The following SLC38A11 variants were observed in gnomAD, a reference collection of about 807,000 sequenced individuals.
SLC38A11 encodes the protein solute carrier family 38 member 11.
A neutral mutation model predicts 49.4 loss-of-function variants in SLC38A11; 51 were observed. The ratio of observed to expected loss-of-function variants is 1.03; its 90% CI spans 0.83 to 1.30. SLC38A11 has a LOEUF of 1.30. SLC38A11 is among the 50% of genes most tolerant of loss of function. The probability of loss-of-function intolerance (pLI) is 0.00; values close to 1 mark genes in which losing one functional copy is unlikely to be tolerated. For missense variants in SLC38A11, 574 were observed against 556.2 expected, an observed-to-expected ratio of 1.03 and a Z score of -0.32; for synonymous variants, 203 against 192.9, an observed-to-expected ratio of 1.05 and a Z score of -0.43.
chr2:164,907,271 T>C (rs1180643933), intron 11 of SLC38A11, among the ~76,000 whole-genome samples: 1 of 13,608 alleles, frequency 7.3e-5, no homozygotes, highest in Non-Finnish European at 1.5e-4. Context: ...TTCTTTTCTC[T>C]TTTTTTTTTT....
At chr2:164,909,528 G>A (rs2105453915) in intron 10 of SLC38A11, among the ~76,000 whole-genome samples, 1 of 150,950 alleles carries the variant, frequency 6.6e-6, no homozygotes, top group South Asian at 2.1e-4. Context: ...AGGAGCTTTA[G>A]GTATCTAGAG....
intron 7 of SLC38A11, among the ~76,000 whole-genome samples, chr2:164,928,041 T>G (rs1267103157): frequency 6.6e-6 from 1 of 152,200 alleles, no homozygotes; most frequent in African/African-American, 2.4e-5. Context: ...GTACTTAATA[T>G]TGAGGAGCCT....
chr2:164,914,646 G>C (rs1685642009), intron 9 of SLC38A11, among the ~76,000 whole-genome samples: 1 of 150,580 alleles, frequency 6.6e-6, no homozygotes, highest in South Asian at 2.1e-4. Context: ...AGAGGGTAAA[G>C]AAAAAGAAAA....
intron 5 of SLC38A11, among the ~76,000 whole-genome samples, chr2:164,941,495 A>G (rs1481407519): frequency 6.6e-6 from 1 of 152,094 alleles, no homozygotes; most frequent in Non-Finnish European, 1.5e-5. Flanking sequence ...AAACTGTCAC[A>G]CCCCAAAATG....
intron 9 of SLC38A11, among the ~76,000 whole-genome samples, chr2:164,914,226 G>A (rs1361497955): frequency 1.3e-5 from 2 of 151,970 alleles, no homozygotes; most frequent in Non-Finnish European, 2.9e-5. Context: ...GTTGTCTGAA[G>A]GTCAATGAGA....
At position 164,943,150 on chromosome 2, in the gene SLC38A11, GAA is replaced by G. The variant is rs138144787; in HGVS notation, c.430+1417_430+1418del. Among the ~76,000 whole-genome samples, 394 of 152,318 alleles carry G rather than the reference GAA, an allele frequency of 2.6e-3. 1 individual carries two copies. Among genetic ancestry groups the G allele is most frequent in the Middle Eastern group, 0.02 (6 of 294 alleles). ...TAGCAACCATAGAGAGTTTCACAAT[GAA>G]ATGGGGATTATGTAGCTTGGATGAG... is the stretch of plus-strand genomic sequence containing the variant. On this transcript the variant is annotated intron_variant, in intron 5 of 11. Coordinates refer to ENST00000685975, the MANE Select transcript of SLC38A11 (RefSeq NM_001351537.2).
rs796863489 is a variant in SLC38A11 at position 164,931,285 on chromosome 2, GA to G, written c.617+6064del. ...AAATCAGAGATGACACAAACAAATG[GA>G]AAAAAAAAATTCCACACTTATGGAT... On this transcript the variant is annotated intron_variant, in intron 7 of 11. Coordinates refer to ENST00000685975, the MANE Select transcript of SLC38A11 (RefSeq NM_001351537.2). 6.2e-3 allele frequency among the ~76,000 whole-genome samples: 840 copies of G among 135,850 alleles called. 3 individuals carry two copies. The highest frequency in any genetic ancestry group is 0.02 in the African/African-American group (729 of 36,482). The allele number at this position is 135,850 out of a possible 152,430, so 89.1% of individuals were successfully genotyped here.
At chr2:164,920,003 G>A (rs936019355) in intron 7 of SLC38A11, among the ~76,000 whole-genome samples, 8 of 152,044 alleles carry the variant, frequency 5.3e-5, no homozygotes, top group East Asian at 1.9e-4. Context: ...TAGACCAGGC[G>A]TGGTGCTCAC....
At chr2:164,907,986 A>G (rs1281102938) in intron 11 of SLC38A11, 1 of 152,190 alleles carries the variant, frequency 6.6e-6, no homozygotes, top group Non-Finnish European at 1.5e-5. Flanking sequence ...AACTGAAAGC[A>G]GAACTTAAAT....
At chr2:164,918,704 T>C (rs529679288) in intron 7 of SLC38A11, among the ~76,000 whole-genome samples, 148 of 152,288 alleles carry the variant, frequency 9.7e-4, no homozygotes, top group African/African-American at 3.4e-3. Context: ...ATTACACATA[T>C]GGAAAATTTA....
At chr2:164,918,756 C>A (rs1685974863) in intron 7 of SLC38A11, among the ~76,000 whole-genome samples, 1 of 152,076 alleles carries the variant, frequency 6.6e-6, no homozygotes, top group South Asian at 2.1e-4. Context: ...TTACTGGATA[C>A]AAGTTCAATA....
chr2:164,944,629 T>A lies in SLC38A11; in HGVS notation c.370A>T (p.Ile124Leu), dbSNP rs1687987699. 3 of 1,274,458 alleles carry A rather than the reference T, an allele frequency of 2.4e-6. No homozygotes were observed. The highest frequency in any genetic ancestry group is 6.6e-5 in the Admixed American group (2 of 30,330). 78.9% of individuals were successfully genotyped at this position (1,274,458 alleles called of 1,614,324 possible). The change falls in exon 5 of 12, where the codon ATA becomes TTA. Residue 124 changes from isoleucine (I) to leucine (L), a missense_variant. Ile to Leu is a conservative substitution (Grantham distance 5). Transcript: ENST00000685975. ...TCTCCAGCTATTATATTGTAACTTA[T>A]CATTGCTAAAAACATAATTAAAATA... ...LQFLYPFIAM[I>L]SYNIIAGDTL...
intron 9 of SLC38A11, among the ~76,000 whole-genome samples, chr2:164,912,926 C>T (rs1424043340): frequency 2.0e-5 from 3 of 151,808 alleles, no homozygotes; most frequent in South Asian, 2.1e-4. Context: ...TGACTAATGC[C>T]GAAACAGAGT....
chr2:164,906,950 A>G (rs985312467), intron 11 of SLC38A11, among the ~76,000 whole-genome samples: 5 of 152,150 alleles, frequency 3.3e-5, no homozygotes, highest in Non-Finnish European at 7.4e-5. Flanking sequence ...TCAATTCTCA[A>G]TGAAACGAGT....
intron 3 of SLC38A11, among the ~76,000 whole-genome samples, chr2:164,950,965 C>T (rs1688485164): frequency 6.6e-6 from 1 of 151,942 alleles, no homozygotes; most frequent in Admixed American, 6.6e-5. Context: ...TTTATGTGGT[C>T]ATCCTTTATT....
chr2:164,955,431 C>A lies in SLC38A11; in HGVS notation c.-184G>T, dbSNP rs1477932981. On this transcript the variant is annotated 5_prime_UTR_variant, in exon 1 of 12. Transcript: ENST00000685975. The stretch of plus-strand genomic sequence containing the variant: ...GCCGCGAGGGCTGCAGCCCCAAGAT[C>A]TCTAGGCTGTGGCAGCCTGGGGCGC... 8.6e-6 allele frequency: 5 copies of A among 580,510 alleles called. No homozygotes were observed. The highest frequency in any genetic ancestry group is 1.5e-5 in the Non-Finnish European group (5 of 326,272). 36.0% of individuals were successfully genotyped at this position (580,510 alleles called of 1,614,324 possible).
chr2:164,911,564 T>G (rs1018095642), intron 10 of SLC38A11, 72 bp downstream of exon 10: 2 of 729,776 alleles, frequency 2.7e-6, no homozygotes, highest in African/African-American at 3.7e-5. Flanking sequence ...ACTGTATTAT[T>G]TATAAATCTT....
At chr2:164,925,270 G>A (rs4556992) in intron 7 of SLC38A11, among the ~76,000 whole-genome samples, 28,110 of 152,120 alleles carry the variant, frequency 0.18, 2,812 homozygotes, top group Admixed American at 0.3. Context: ...ATAGGTGGGA[G>A]GGGGCAGGAT....
At chr2:164,950,528 T>C (rs1335060576) in intron 3 of SLC38A11, among the ~76,000 whole-genome samples, 1 of 152,202 alleles carries the variant, frequency 6.6e-6, no homozygotes, top group Non-Finnish European at 1.5e-5. Flanking sequence ...TTAATCACTA[T>C]AATATTTTGA....
Sources: gnomAD v4.1 joint callset for allele counts (sites outside exome capture counted in the v4.1 genomes callset) on GRCh38, gnomAD v4.1.1 for gene constraint, MANE v1.5 for transcripts, NCBI Gene and HGNC (gene_info 2026-07-23, HGNC 2026-07-21) for gene names.